The following KLHL13 variants were observed in gnomAD, a reference collection of about 807,000 sequenced individuals.
KLHL13 encodes kelch like family member 13.
Under a neutral mutation model 37.1 loss-of-function variants are expected in KLHL13, and 10 were observed. The observed-to-expected ratio is 0.27, with a 90% CI of 0.17 to 0.46. The LOEUF (loss-of-function observed/expected upper bound fraction) is 0.46. KLHL13 is among the 20% of genes least tolerant of loss of function. KLHL13 has a pLI of 1.00. For synonymous variants in KLHL13, 163 were observed against 181.2 expected, an observed-to-expected ratio of 0.90 and a Z score of 0.81; for missense variants, 360 against 509.3, an observed-to-expected ratio of 0.71 and a Z score of 2.82.
intron 1 of KLHL13, among the ~76,000 whole-genome samples, chrX:118,094,506 C>T (rs2055177853): frequency 9.0e-6 from 1 of 111,069 alleles, no homozygotes; most frequent in South Asian, 3.9e-4. Flanking sequence ...TCTAGCAAGG[C>T]AGGCCAACAT....
At chrX:118,075,755 C>G (rs1394286064) in intron 1 of KLHL13, among the ~76,000 whole-genome samples, 1 of 111,435 alleles carries the variant, frequency 9.0e-6, no homozygotes, top group African/African-American at 3.3e-5. Context: ...GTGTGCCATC[C>G]AAGTTATCTA....
rs938086670 is a variant in KLHL13 at position 118,028,087 on chromosome X, CTTCTA to C, written c.-55-82517_-55-82513del. ...TATTTTTAAAAATGTGTTGTTGGCA[CTTCTA>C]TTCTTAAGCTATGGATACCTGTATT... is the stretch of plus-strand genomic sequence containing the variant. On this transcript the variant is annotated intron_variant, in intron 1 of 6. Transcript: ENST00000371882. Among the ~76,000 whole-genome samples the C allele has an allele frequency of 5.4e-5, 6 of 111,849 alleles. No homozygotes were observed. In the Admixed American group the frequency reaches 5.7e-4, roughly 11 times the overall value.
intron 1 of KLHL13, among the ~76,000 whole-genome samples, chrX:118,089,335 C>A (rs980672033): frequency 2.6e-4 from 29 of 109,661 alleles, no homozygotes; most frequent in African/African-American, 9.7e-4. Context: ...CACTCTTAGC[C>A]CTCTCAGGCA....
intron 1 of KLHL13, among the ~76,000 whole-genome samples, chrX:118,058,439 C>T (rs2054707917): frequency 9.0e-6 from 1 of 111,386 alleles, no homozygotes; most frequent in Admixed American, 9.6e-5. Flanking sequence ...TCCTAAACAC[C>T]AAGTGCTTTC....
At chrX:117,985,854 G>GT (rs1306742538) in intron 1 of KLHL13, among the ~76,000 whole-genome samples, 3 of 108,951 alleles carry the variant, frequency 2.8e-5, no homozygotes, top group Non-Finnish European at 5.7e-5. Flanking sequence ...AGCCCCTACT[G>GT]TTTTTTTTAA....
intron 1 of KLHL13, among the ~76,000 whole-genome samples, chrX:118,069,420 T>TA (rs66906743): frequency 7.3e-4 from 45 of 61,498 alleles, no homozygotes; most frequent in South Asian, 1.2e-3. Context: ...GTTTAAAATG[T>TA]AAAAAAAAAA....
chrX:117,978,844 TAA>T (rs367558367), intron 1 of KLHL13, among the ~76,000 whole-genome samples: 2 of 103,059 alleles, frequency 1.9e-5, no homozygotes, highest in African/African-American at 7.2e-5. Context: ...CCCATCTGTT[TAA>T]AAAAAAAAAT....
chrX:118,015,077 T>A (rs1196981133), intron 1 of KLHL13, among the ~76,000 whole-genome samples: 1 of 111,693 alleles, frequency 9.0e-6, no homozygotes, highest in African/African-American at 3.3e-5. Context: ...ATCACTTTAT[T>A]TTACAGATGA....
At chrX:118,010,828 T>A (rs2054057784) in intron 1 of KLHL13, among the ~76,000 whole-genome samples, 1 of 110,690 alleles carries the variant, frequency 9.0e-6, no homozygotes, top group Non-Finnish European at 1.9e-5. Flanking sequence ...ATCCCAGTAC[T>A]TTGGGAGGCT....
intron 1 of KLHL13, among the ~76,000 whole-genome samples, chrX:118,053,787 G>C (rs1343099746): frequency 3.6e-5 from 3 of 82,695 alleles, no homozygotes; most frequent in Non-Finnish European, 2.2e-5. Flanking sequence ...GTGTGTGTGT[G>C]TGTGTGTGTG....
intron 1 of KLHL13, among the ~76,000 whole-genome samples, chrX:118,090,230 C>T (rs756288807): frequency 2.7e-5 from 3 of 110,920 alleles, no homozygotes; most frequent in East Asian, 2.8e-4. Context: ...TAGGCATGGG[C>T]GAGGACTTCA....
At chrX:117,977,362 A>AT (rs749721084), upstream of KLHL13, among the ~76,000 whole-genome samples, 4 of 111,484 alleles carry the variant, frequency 3.6e-5, no homozygotes, top group African/African-American at 1.3e-4. Flanking sequence ...CAATACTCTG[A>AT]TTTTTTTTCT....
rs183984078 is a variant in KLHL13 at position 117,940,662 on chromosome X, G to A, written c.240+4772C>T. ...TCTCCTTGAAGAGGTCCTTCACATC[G>A]CTTGTAAGTTGGATTCCTAGGTATT... On this transcript the variant is annotated intron_variant, in intron 2 of 6. Coordinates refer to ENST00000262820, the Ensembl canonical transcript of KLHL13. Among the ~76,000 whole-genome samples the A allele has an allele frequency of 7.5e-3, 832 of 110,683 alleles. 8 individuals are homozygous for A. The highest frequency in any genetic ancestry group is 0.014 in the Middle Eastern group (3 of 215).
chrX:118,094,629 A>G (rs1174763210), intron 1 of KLHL13, among the ~76,000 whole-genome samples: 13 of 110,157 alleles, frequency 1.2e-4, no homozygotes, highest in Admixed American at 6.8e-4. Context: ...AATGTTAAGG[A>G]CAGCCAGAGA....
chrX:118,052,792 AC>A (rs1356695371), intron 1 of KLHL13, among the ~76,000 whole-genome samples: 2 of 109,958 alleles, frequency 1.8e-5, no homozygotes, highest in African/African-American at 6.6e-5. Flanking sequence ...GTACCACTGC[AC>A]GCCAGTCAGG....
chrX:118,080,812 TA>T (rs1277499852), intron 1 of KLHL13, among the ~76,000 whole-genome samples: 3 of 112,098 alleles, frequency 2.7e-5, no homozygotes, highest in African/African-American at 9.7e-5. Context: ...CGTGCACTTG[TA>T]TGTTCATCAT....
intron 1 of KLHL13, among the ~76,000 whole-genome samples, chrX:118,007,365 C>G (rs1161171890): frequency 1.2e-5 from 1 of 86,521 alleles, no homozygotes; most frequent in Non-Finnish European, 2.2e-5. Context: ...AGAAGGAGAC[C>G]CTGTCAAAAA....
chrX:118,029,323 T>C (rs754241695), intron 1 of KLHL13, among the ~76,000 whole-genome samples: 112 of 111,417 alleles, frequency 1.0e-3, no homozygotes, highest in South Asian at 2.3e-3. Flanking sequence ...AATTTTAGAA[T>C]TGGTTGCAAA....
chrX:117,971,536 G>T (rs764561797), intron 1 of KLHL13, among the ~76,000 whole-genome samples: 2 of 109,959 alleles, frequency 1.8e-5, no homozygotes, highest in South Asian at 7.8e-4. Flanking sequence ...CACCCAAAGA[G>T]ATAAAAATAT....
Sources: allele counts gnomAD v4.1 joint callset (sites outside exome capture counted in the v4.1 genomes callset), GRCh38; gene constraint gnomAD v4.1.1; transcripts MANE v1.5; gene names NCBI Gene and HGNC (gene_info 2026-07-23, HGNC 2026-07-21).